EYS: variants seen among roughly 807,000 people sequenced by gnomAD.
The protein encoded by EYS is EGF-like photoreceptor maintenance factor.
In EYS, 250 loss-of-function variants were observed where a neutral mutation model predicts 282.1. The observed-to-expected ratio is 0.89, with a 90% CI of 0.80 to 0.98. EYS has a LOEUF of 0.98. EYS is among the 50% of genes least tolerant of loss of function. The pLI is 0.00. For missense variants in EYS, 4,016 were observed against 3,709.0 expected (o/e 1.08, Z -2.15); for synonymous variants, 1,355 against 1,282.9 (o/e 1.06, Z -1.20).
In EYS at chr6:65,690,219, T is replaced by G. The variant is rs1259698392; in HGVS notation, c.-448+16916A>C. ...TGATTAGCAAGATATTAATCAGCAGTAACAGTTGCAGCAAAAGCTGGTTAC... is the reference window on the plus strand; with the variant it reads ...TGATTAGCAAGATATTAATCAGCAGGAACAGTTGCAGCAAAAGCTGGTTAC... On this transcript the variant is annotated intron_variant, in intron 1 of 42. Coordinates refer to ENST00000503581, the MANE Select transcript of EYS (RefSeq NM_001142800.2). 4.0e-5 allele frequency among the ~76,000 whole-genome samples: 6 copies of G among 150,094 alleles called. 1 individual carries two copies. The highest frequency in any genetic ancestry group is 3.4e-4 in the Admixed American group (5 of 14,904).
chr6:64,629,816 T>C (rs1357569034), intron 22 of EYS, among the ~76,000 whole-genome samples: 1 of 152,192 alleles, frequency 6.6e-6, no homozygotes, highest in Admixed American at 6.5e-5. Context: ...AATTATCTTC[T>C]ACAAAGATAA....
At chr6:65,136,735 G>C (rs1776032474) in intron 12 of EYS, among the ~76,000 whole-genome samples, 1 of 152,034 alleles carries the variant, frequency 6.6e-6, no homozygotes, top group Non-Finnish European at 1.5e-5. Flanking sequence ...AACCAGGCTG[G>C]AGTGCAGTGG....
At chr6:64,739,375 C>T (rs908140174) in intron 22 of EYS, among the ~76,000 whole-genome samples, 4 of 152,048 alleles carry the variant, frequency 2.6e-5, no homozygotes, top group African/African-American at 9.7e-5. Context: ...CTGTGTATAC[C>T]AACCAAGGAA....
intron 26 of EYS, among the ~76,000 whole-genome samples, chr6:64,578,274 C>A (rs1765945552): frequency 6.6e-6 from 1 of 152,018 alleles, no homozygotes; most frequent in Non-Finnish European, 1.5e-5. Flanking sequence ...AATCTCCTCT[C>A]CCCCATTATA....
chr6:64,456,507 T>C (rs1775563789), intron 26 of EYS, among the ~76,000 whole-genome samples: 1 of 152,030 alleles, frequency 6.6e-6, no homozygotes, highest in South Asian at 2.1e-4. Flanking sequence ...CCTTGAATCT[T>C]TCAGTTTTTT....
chr6:65,125,488 G>A (rs945827383), intron 12 of EYS, among the ~76,000 whole-genome samples: 1 of 152,084 alleles, frequency 6.6e-6, no homozygotes, highest in Non-Finnish European at 1.5e-5. Flanking sequence ...AAATTTTTAA[G>A]CACATTAATT....
chr6:63,966,028 C>A (rs939565827), intron 35 of EYS, among the ~76,000 whole-genome samples: 6 of 152,116 alleles, frequency 3.9e-5, no homozygotes. Flanking sequence ...ATAGGGGTTG[C>A]AATGTCTATT....
At chr6:65,136,602 A>G (rs932394494) in intron 12 of EYS, among the ~76,000 whole-genome samples, 38 of 152,166 alleles carry the variant, frequency 2.5e-4, no homozygotes, top group African/African-American at 9.2e-4. Context: ...TCTAACATAA[A>G]TAATGAAGAT....
intron 13 of EYS, among the ~76,000 whole-genome samples, chr6:65,049,810 A>C (rs1281120591): frequency 6.6e-6 from 1 of 151,758 alleles, no homozygotes; most frequent in African/African-American, 2.4e-5. Flanking sequence ...GGTATAGTTA[A>C]ACATTTCTCT....
chr6:65,090,421 T>C (rs1462777069), intron 12 of EYS, among the ~76,000 whole-genome samples: 2 of 152,190 alleles, frequency 1.3e-5, no homozygotes, highest in Non-Finnish European at 2.9e-5. Context: ...TTAAAACTTT[T>C]TTCTTTATAA....
intron 35 of EYS, among the ~76,000 whole-genome samples, chr6:63,865,822 A>G (rs1772658486): frequency 6.6e-6 from 1 of 152,162 alleles, no homozygotes; most frequent in South Asian, 2.1e-4. Flanking sequence ...AAAAATATTC[A>G]TATTTTAATA....
At chr6:64,456,866 A>G (rs1775574353) in intron 26 of EYS, among the ~76,000 whole-genome samples, 2 of 152,048 alleles carry the variant, frequency 1.3e-5, no homozygotes, top group Non-Finnish European at 2.9e-5. Context: ...TATAAATTTT[A>G]CTTATAAGAA....
intron 22 of EYS, among the ~76,000 whole-genome samples, chr6:64,675,662 A>C (rs371926008): frequency 6.6e-6 from 1 of 151,590 alleles, no homozygotes; most frequent in African/African-American, 2.4e-5. Context: ...ACTTTACCTC[A>C]GGTGATCCGC....
intron 31 of EYS, among the ~76,000 whole-genome samples, chr6:64,086,218 C>T (rs1772153044): frequency 6.6e-6 from 1 of 152,196 alleles, no homozygotes; most frequent in Admixed American, 6.5e-5. Flanking sequence ...TCTTCCCAAA[C>T]TAGTTGCTAG....
intron 41 of EYS, among the ~76,000 whole-genome samples, chr6:63,730,420 C>T (rs534585666): frequency 1.4e-4 from 21 of 152,290 alleles, no homozygotes; most frequent in Non-Finnish European, 2.2e-4. Flanking sequence ...GATTCTTTAC[C>T]ATAGCCTCTG....
At position 65,249,487 on chromosome 6, in the gene EYS, T is replaced by G. The variant is rs959955016; in HGVS notation, c.2023+46376A>C. 7.2e-5 allele frequency among the ~76,000 whole-genome samples: 11 copies of G among 151,782 alleles called. No individual in the cohort carries two copies. In the East Asian group the frequency reaches 2.1e-3, roughly 29 times the overall value. On this transcript the variant is annotated intron_variant, in intron 12 of 42. Coordinates refer to ENST00000503581, the MANE Select transcript of EYS (RefSeq NM_001142800.2). Reference sequence around the variant, plus strand: ...CAACCCTAAAGAGTTAGAATTTTATTGGAAAAATTCTCACTTAAATAGCAA... The same window carrying G: ...CAACCCTAAAGAGTTAGAATTTTATGGGAAAAATTCTCACTTAAATAGCAA...
intron 11 of EYS, among the ~76,000 whole-genome samples, chr6:65,327,349 C>G (rs1235546773): frequency 6.6e-6 from 1 of 151,504 alleles, no homozygotes; most frequent in Non-Finnish European, 1.5e-5. Flanking sequence ...ATGTTAATAA[C>G]CAATATGTCT....
At chr6:65,597,029 C>T (rs938058035) in intron 2 of EYS, among the ~76,000 whole-genome samples, 8 of 151,970 alleles carry the variant, frequency 5.3e-5, no homozygotes, top group African/African-American at 1.9e-4. Flanking sequence ...CACAAAGGAT[C>T]AGAAGTTCAA....
intron 12 of EYS, among the ~76,000 whole-genome samples, chr6:65,234,992 G>A (rs1766886378): frequency 6.6e-6 from 1 of 152,108 alleles, no homozygotes; most frequent in African/African-American, 2.4e-5. Flanking sequence ...ATAACTAAAG[G>A]AGTTCAGTAT....
Sources: allele counts gnomAD v4.1 joint callset (sites outside exome capture counted in the v4.1 genomes callset), GRCh38; gene constraint gnomAD v4.1.1; transcripts MANE v1.5; gene names NCBI Gene and HGNC (gene_info 2026-07-23, HGNC 2026-07-21).